MDGA2: variants seen among roughly 807,000 people sequenced by gnomAD.
MDGA2 encodes MAM domain containing glycosylphosphatidylinositol anchor 2.
In MDGA2, 40 loss-of-function variants were observed where a neutral mutation model predicts 117.8. The ratio of observed to expected loss-of-function variants is 0.34; its 90% CI spans 0.26 to 0.44. The LOEUF (loss-of-function observed/expected upper bound fraction) is 0.44, where lower values mean the gene tolerates loss of function less well. Among genes scored for constraint, MDGA2 ranks in the 20% least tolerant of loss-of-function variants. The pLI is 1.00. For synonymous variants in MDGA2, 452 were observed against 439.0 expected (o/e 1.03, Z -0.37); for missense variants, 1,123 against 1,250.6 (o/e 0.90, Z 1.54).
intron 1 of MDGA2, among the ~76,000 whole-genome samples, chr14:47,309,636 T>C (rs987882470): frequency 2.0e-5 from 3 of 152,122 alleles, no homozygotes; most frequent in African/African-American, 7.2e-5. Context: ...CAGATGGCAA[T>C]TATTAACGTT....
chr14:47,295,715 C>T (rs566251286), intron 2 of MDGA2, among the ~76,000 whole-genome samples: 3 of 152,030 alleles, frequency 2.0e-5, no homozygotes, highest in Admixed American at 6.5e-5. Flanking sequence ...ACCAGCCTGG[C>T]CTACATGGGG....
Position 47,144,157 on chromosome 14 carries a change from T to C in MDGA2, c.713A>G (p.Tyr238Cys). 6.4e-7 allele frequency: 1 copy of C among 1,551,386 alleles called. No individual in the cohort carries two copies. The highest frequency in any genetic ancestry group is 8.7e-7 in the Non-Finnish European group (1 of 1,146,798). Residue 238 changes from tyrosine to cysteine, a missense_variant, in exon 4 of 17, where the codon TAT (tyrosine) becomes TGT (cysteine). Tyr to Cys is a radical substitution (Grantham distance 194, BLOSUM62 -2). This residue lies in a region of MDGA2 where 890 missense variants were observed against 1,050.3 expected (regional missense o/e 0.85). Transcript: ENST00000399232. ...CVANSNPPVR[Y>C]SWRRGQEVLL... ...GACCTCCTGGCCACGTCTCCAGCTA[T>C]ACCGAACAGGAGGATTGGAATTGGC... is the stretch of plus-strand genomic sequence containing the variant.
Position 46,957,649 on chromosome 14 carries a change from G to T in MDGA2, c.1820-6C>A, listed in dbSNP as rs370473615. The T allele has an allele frequency of 6.2e-7, 1 of 1,613,518 alleles. No individual in the cohort carries two copies. Among genetic ancestry groups the T allele is most frequent in the African/African-American group, 1.3e-5 (1 of 74,872 alleles). On this transcript the variant is annotated splice_region_variant and splice_polypyrimidine_tract_variant and intron_variant, in intron 8 of 16. Transcript: ENST00000399232. ...TGGTTCCACTGCAGGGGGATCTGTA[G>T]AAAAGATATGTAAAAACAGATGAAA...
chr14:47,596,918 T>A (rs1266509901), intron 1 of MDGA2, among the ~76,000 whole-genome samples: 1 of 152,132 alleles, frequency 6.6e-6, no homozygotes, highest in African/African-American at 2.4e-5. Flanking sequence ...TATCCATAAC[T>A]AATATATCCT....
At chr14:47,251,379 G>A (rs1410871662) in intron 2 of MDGA2, among the ~76,000 whole-genome samples, 2 of 152,156 alleles carry the variant, frequency 1.3e-5, no homozygotes, top group Non-Finnish European at 2.9e-5. Flanking sequence ...AGCCTCATAA[G>A]AGGTTAGACT....
At chr14:47,101,663 G>T (rs963965999) in intron 5 of MDGA2, among the ~76,000 whole-genome samples, 1 of 152,174 alleles carries the variant, frequency 6.6e-6, no homozygotes, top group Non-Finnish European at 1.5e-5. Context: ...AAAAACAATA[G>T]GAATGAGAGA....
intron 3 of MDGA2, among the ~76,000 whole-genome samples, chr14:47,172,953 A>C (rs1292889961): frequency 6.6e-6 from 1 of 152,214 alleles, no homozygotes; most frequent in African/African-American, 2.4e-5. Context: ...GAAGTGCTTA[A>C]AGGAGCTGAT....
chr14:47,264,486 G>A (rs558544483), intron 2 of MDGA2, among the ~76,000 whole-genome samples: 1 of 152,168 alleles, frequency 6.6e-6, no homozygotes, highest in African/African-American at 2.4e-5. Context: ...ATTGGACATC[G>A]AAAGTCTTTT....
Position 47,512,794 on chromosome 14 carries a change from G to A in MDGA2, c.280+161723C>T, listed in dbSNP as rs550137506. ...TCAGCCATCTTTGAGCTAGATGAAA[G>A]AATGGGAAGAAAATAGGTCCCATGT... On this transcript the variant is annotated intron_variant, in intron 1 of 16. Transcript: ENST00000399232. Among the ~76,000 whole-genome samples, 14 of 152,086 alleles carry A rather than the reference G, an allele frequency of 9.2e-5. No homozygotes were observed. The East Asian group carries it at 2.7e-3, about 29-fold the overall frequency.
chr14:46,913,937 T>C (rs1883803736), intron 10 of MDGA2, among the ~76,000 whole-genome samples: 1 of 152,156 alleles, frequency 6.6e-6, no homozygotes. Flanking sequence ...ATTCTAAATA[T>C]TTTAATACAA....
In MDGA2 at chr14:46,925,312, A is replaced by G. The variant is rs544951527; in HGVS notation, c.2090-5152T>C. Among the ~76,000 whole-genome samples, 11 of 152,240 alleles carry G rather than the reference A, an allele frequency of 7.2e-5. No individual in the cohort carries two copies. The East Asian group carries it at 2.1e-3, about 29-fold the overall frequency. ...ACTAACAAGGTAAATAAATAGTAAG[A>G]TTAGACTTAAGATAATAGAAAAATA... On this transcript the variant is annotated intron_variant, in intron 9 of 16. Transcript: ENST00000399232.
At chr14:46,966,967 T>A (rs1886058110) in intron 8 of MDGA2, among the ~76,000 whole-genome samples, 1 of 150,428 alleles carries the variant, frequency 6.6e-6, no homozygotes, top group Non-Finnish European at 1.5e-5. Flanking sequence ...ACAGCATGAA[T>A]AAAATTTTGC....
chr14:46,885,101 C>T (rs2138400144), intron 10 of MDGA2, among the ~76,000 whole-genome samples: 1 of 152,104 alleles, frequency 6.6e-6, no homozygotes, highest in East Asian at 1.9e-4. Context: ...CCCAACTCAG[C>T]CTCCTGAAGT....
chr14:47,322,928 C>T (rs2139881522), intron 1 of MDGA2, among the ~76,000 whole-genome samples: 2 of 152,054 alleles, frequency 1.3e-5, no homozygotes, highest in African/African-American at 4.8e-5. Flanking sequence ...TTCTCTTACA[C>T]ACACATACAT....
intron 1 of MDGA2, among the ~76,000 whole-genome samples, chr14:47,362,257 A>G (rs548884108): frequency 1.3e-5 from 2 of 152,178 alleles, no homozygotes; most frequent in Non-Finnish European, 2.9e-5. Context: ...TTCAAAGAAG[A>G]CTCCTCTCCA....
At chr14:46,899,290 G>A (rs1274291407) in intron 10 of MDGA2, among the ~76,000 whole-genome samples, 2 of 151,996 alleles carry the variant, frequency 1.3e-5, no homozygotes, top group African/African-American at 4.8e-5. Context: ...TACATGTGAA[G>A]GAGTCTTTTC....
At chr14:47,220,922 T>G (rs1886274304) in intron 2 of MDGA2, among the ~76,000 whole-genome samples, 1 of 152,204 alleles carries the variant, frequency 6.6e-6, no homozygotes, top group Admixed American at 6.5e-5. Flanking sequence ...TTCATTAACC[T>G]CAGGGTTCAA....
chr14:47,498,814 T>C (rs1894337194), intron 1 of MDGA2, among the ~76,000 whole-genome samples: 1 of 152,158 alleles, frequency 6.6e-6, no homozygotes, highest in Admixed American at 6.5e-5. Context: ...GAGAAGGATT[T>C]TGGCATAGCA....
chr14:47,003,466 C>G (rs564214986), intron 8 of MDGA2, among the ~76,000 whole-genome samples: 3 of 152,066 alleles, frequency 2.0e-5, no homozygotes, highest in Non-Finnish European at 4.4e-5. Flanking sequence ...TTCATACCCT[C>G]CAGGACTTAG....
Sources: gnomAD v4.1 joint callset for allele counts (sites outside exome capture counted in the v4.1 genomes callset) on GRCh38, gnomAD v4.1.1 for gene constraint, gnomAD v4.1.1 regional missense constraint, MANE v1.5 for transcripts, NCBI Gene and HGNC (gene_info 2026-07-23, HGNC 2026-07-21) for gene names.